Variants in SAMMSON observed in about 807,000 individuals in gnomAD.
SAMMSON encodes survival associated mitochondrial melanoma specific oncogenic non-coding RNA, also known as long intergenic non-protein coding RNA 1212.
At chr3:70,369,586 GAGA>G (rs1206650811) in intron 9 of SAMMSON, among the ~76,000 whole-genome samples, 1 of 151,396 alleles carries the variant, frequency 6.6e-6, no homozygotes, top group Non-Finnish European at 1.5e-5. Flanking sequence ...AGGAATCAGA[GAGA>G]AGATGTTGCA....
intron 3 of SAMMSON, among the ~76,000 whole-genome samples, chr3:70,033,653 C>T (rs1400177235): frequency 6.6e-6 from 1 of 152,014 alleles, no homozygotes; most frequent in East Asian, 1.9e-4. Flanking sequence ...AGAAGTCAGG[C>T]AGTTATGAGA....
At chr3:70,148,885 G>A (rs543587194) in intron 4 of SAMMSON, among the ~76,000 whole-genome samples, 1 of 152,074 alleles carries the variant, frequency 6.6e-6, no homozygotes, top group East Asian at 1.9e-4. Context: ...CAGAAAGCGT[G>A]ATGGTTTGGA....
In SAMMSON at chr3:70,420,040, G is replaced by A. The variant is rs543858376; in HGVS notation, n.234-42520G>A. Among the ~76,000 whole-genome samples, 150 of 152,208 alleles carry A rather than the reference G, an allele frequency of 9.9e-4. 1 individual carries two copies. Among genetic ancestry groups the A allele is most frequent in the Admixed American group, 3.8e-3 (58 of 15,282 alleles). The stretch of plus-strand genomic sequence containing the variant: ...CAAAAACTCTTTGAGAGATAAGCAG[G>A]TAAGGCTGAAGAGAGGCATGGACTG... On this transcript the variant is annotated intron_variant and non_coding_transcript_variant, in intron 2 of 3. Transcript: ENST00000641053.
chr3:70,267,706 C>A (rs540518878), intron 6 of SAMMSON, among the ~76,000 whole-genome samples: 202 of 151,850 alleles, frequency 1.3e-3, no homozygotes, highest in Non-Finnish European at 2.3e-3. Flanking sequence ...GAGAGCCACC[C>A]CGCCCAGCCT....
intron 4 of SAMMSON, among the ~76,000 whole-genome samples, chr3:70,170,331 T>G (rs757564155): frequency 8.6e-5 from 13 of 151,702 alleles, no homozygotes; most frequent in Non-Finnish European, 1.9e-4. Flanking sequence ...ACAGGAAAAA[T>G]GACAAATGTT....
At chr3:70,411,946 G>A (rs1448552052) in intron 2 of SAMMSON, among the ~76,000 whole-genome samples, 1 of 152,098 alleles carries the variant, frequency 6.6e-6, no homozygotes, top group Non-Finnish European at 1.5e-5. Flanking sequence ...CTTTAATAAT[G>A]ATGAAAAATG....
intron 6 of SAMMSON, among the ~76,000 whole-genome samples, chr3:70,281,498 A>G (rs1368781142): frequency 6.6e-6 from 1 of 152,168 alleles, no homozygotes; most frequent in Non-Finnish European, 1.5e-5. Context: ...CATTTTCCTT[A>G]AAGTCTCTTT....
intron 1 of SAMMSON, among the ~76,000 whole-genome samples, chr3:70,000,051 G>A (rs1435221149): frequency 6.6e-6 from 1 of 152,182 alleles, no homozygotes; most frequent in Non-Finnish European, 1.5e-5. Flanking sequence ...GAGAAATCCG[G>A]GGATACAGAA....
At chr3:70,254,261 A>G (rs1575607570) in intron 6 of SAMMSON, among the ~76,000 whole-genome samples, 1 of 152,338 alleles carries the variant, frequency 6.6e-6, no homozygotes, top group Non-Finnish European at 1.5e-5. Context: ...TGGATAAATT[A>G]AAGTCATATT....
intron 4 of SAMMSON, among the ~76,000 whole-genome samples, chr3:70,080,444 A>C (rs371478477): frequency 6.6e-6 from 1 of 152,324 alleles, no homozygotes; most frequent in Middle Eastern, 3.4e-3. Flanking sequence ...AACAGCAATG[A>C]TTGAAACAGT....
chr3:70,014,835 T>TA (rs1304374365), intron 3 of SAMMSON: 1 of 152,154 alleles, frequency 6.6e-6, no homozygotes, highest in Non-Finnish European at 1.5e-5. Context: ...TGGTGTTAGT[T>TA]AAAGATTCAG....
chr3:70,237,430 G>C (rs528019340), intron 4 of SAMMSON, among the ~76,000 whole-genome samples: 3 of 152,134 alleles, frequency 2.0e-5, no homozygotes, highest in Non-Finnish European at 4.4e-5. Context: ...CTTTGTGCAT[G>C]CCTTTCTTTT....
intron 4 of SAMMSON, among the ~76,000 whole-genome samples, chr3:70,246,995 T>C (rs886132918): frequency 1.3e-5 from 2 of 152,202 alleles, no homozygotes; most frequent in South Asian, 2.1e-4. Context: ...CATATCATAA[T>C]AATCAGTGAG....
chr3:70,028,379 A>G (rs2067051182), intron 3 of SAMMSON, among the ~76,000 whole-genome samples: 1 of 152,002 alleles, frequency 6.6e-6, no homozygotes, highest in East Asian at 1.9e-4. Flanking sequence ...TCAGGTCTTT[A>G]CTTTAGGCAG....
intron 6 of SAMMSON, among the ~76,000 whole-genome samples, chr3:70,252,226 CAT>C (rs1308383378): frequency 6.6e-6 from 1 of 152,138 alleles, no homozygotes; most frequent in Non-Finnish European, 1.5e-5. Context: ...TCTGCAAACC[CAT>C]AGTTTCAGTG....
intron 4 of SAMMSON, among the ~76,000 whole-genome samples, chr3:70,131,923 T>A (rs1025386114): frequency 6.6e-6 from 1 of 152,056 alleles, no homozygotes; most frequent in Non-Finnish European, 1.5e-5. Context: ...CTACCTATAG[T>A]CAGATCTAGA....
chr3:70,289,052 C>T (rs1448126081), intron 6 of SAMMSON, among the ~76,000 whole-genome samples: 1 of 151,916 alleles, frequency 6.6e-6, no homozygotes. Context: ...GCATTTAGCC[C>T]ATTTACATTT....
At chr3:70,399,083 GA>G (rs1701115320) in intron 2 of SAMMSON, among the ~76,000 whole-genome samples, 1 of 152,138 alleles carries the variant, frequency 6.6e-6, no homozygotes, top group Admixed American at 6.6e-5. Flanking sequence ...ATTTACAATG[GA>G]AATGGAGACA....
At chr3:70,280,234 C>T (rs1041376316) in intron 6 of SAMMSON, among the ~76,000 whole-genome samples, 24 of 152,124 alleles carry the variant, frequency 1.6e-4, no homozygotes, top group African/African-American at 5.8e-4. Context: ...CTCCTCCTCT[C>T]CCTTAAAAAG....
Sources: allele counts gnomAD v4.1 joint callset (sites outside exome capture counted in the v4.1 genomes callset), GRCh38; gene constraint gnomAD v4.1.1; transcripts MANE v1.5; gene names NCBI Gene and HGNC (gene_info 2026-07-23, HGNC 2026-07-21).